IVD: variants seen among roughly 807,000 people sequenced by gnomAD.
IVD encodes the protein isovaleryl-CoA dehydrogenase, also known as isovaleryl-CoA dehydrogenase, mitochondrial.
In IVD, 31 loss-of-function variants were observed where a neutral mutation model predicts 51.3. That is an observed-to-expected ratio of 0.60 (90% confidence interval 0.45 to 0.81). The LOEUF is 0.81. Among genes scored for constraint, IVD ranks in the 40% least tolerant of loss-of-function variants. The pLI is 0.00. For missense variants in IVD, 475 were observed against 552.0 expected, an observed-to-expected ratio of 0.86 and a Z score of 1.40; for synonymous variants, 205 against 219.4, an observed-to-expected ratio of 0.93 and a Z score of 0.58.
At position 40,413,013 on chromosome 15, in the gene IVD, C is replaced by T. The variant is rs1891244554; in HGVS notation, c.710C>T (p.Ser237Phe). 6.2e-7 allele frequency: 1 copy of T among 1,613,978 alleles called. No homozygotes were observed. Residue 237 changes from serine to phenylalanine, a missense_variant, in exon 7 of 12, where the codon TCT (serine) becomes TTT (phenylalanine). Physicochemically the swap from Ser to Phe is radical, Grantham distance 155. Coordinates refer to ENST00000487418, the MANE Select transcript of IVD (RefSeq NM_002225.5). ...AAGGGTATGCCTGGCTTTAGCACCT[C>T]TAAGAAGCTGGACAAGCTGGGGATG... ...VEKGMPGFST[S>F]KKLDKLGMRG...
chr15:40,425,180 G>A (rs1892595476), downstream of IVD, among the ~76,000 whole-genome samples: 1 of 152,184 alleles, frequency 6.6e-6, no homozygotes, highest in Non-Finnish European at 1.5e-5. Flanking sequence ...GAAATGCATG[G>A]TATATATGGG....
chr15:40,412,705 A>G, intron 6 of IVD: 1 of 425,406 alleles, frequency 2.4e-6, no homozygotes, highest in Non-Finnish European at 4.4e-6. Flanking sequence ...GGAGGGAAAT[A>G]AGGCCAGGGG....
Position 40,411,654 on chromosome 15 carries a change from C to G in IVD, c.650C>G (p.Pro217Arg). The change falls in exon 6 of 12, where the codon CCA becomes CGA. Residue 217 changes from proline (P) to arginine (R), a missense_variant. Physicochemically the swap from Pro to Arg is moderately radical, Grantham distance 103. Transcript: ENST00000487418. ...GCCAAGACAGATCTGGCTGCTGTGCCAGCTTCTCGGGGCATCACAGCCTTC... is the reference window on the plus strand; with the variant it reads ...GCCAAGACAGATCTGGCTGCTGTGCGAGCTTCTCGGGGCATCACAGCCTTC... ...VYAKTDLAAV[P>R]ASRGITAFIV... is the part of the protein sequence containing the mutation. 1 of 1,614,210 alleles carries G rather than the reference C, an allele frequency of 6.2e-7. No homozygotes were observed. Among genetic ancestry groups the G allele is most frequent in the Non-Finnish European group, 8.5e-7 (1 of 1,180,042 alleles).
Position 40,411,348 on chromosome 15 carries a change from A to G in IVD, c.545A>G (p.Lys182Arg), listed in dbSNP as rs761815406. 21 of 1,614,048 alleles carry G rather than the reference A, an allele frequency of 1.3e-5. No homozygotes were observed. The highest frequency in any genetic ancestry group is 1.7e-5 in the Non-Finnish European group (20 of 1,180,028). Residue 182 changes from lysine to arginine, a missense_variant, in exon 5 of 12, where the codon AAG becomes AGG. Transcript: ENST00000487418. ...DVVSMKLKAE[K>R]KGNHYILNGN... ...GTCTCTATGAAGCTCAAAGCGGAAA[A>G]GAAAGGTGAGGCCACTCTCAACTTG...
In IVD at chr15:40,410,687, T is replaced by C. The variant is rs1343856878; in HGVS notation, c.346T>C (p.Ser116Pro). 6.2e-7 allele frequency: 1 copy of C among 1,614,088 alleles called. No individual in the cohort carries two copies. Among genetic ancestry groups the C allele is most frequent in the Non-Finnish European group, 8.5e-7 (1 of 1,180,030 alleles). ...LEHVLVMEEI[S>P]RASGAVGLSY... ...GCATGTGCTGGTGATGGAGGAGATA[T>C]CCCGAGCTTCCGGAGCAGTGGGGCT... The change falls in exon 4 of 12, where the codon TCC becomes CCC. Residue 116 changes from serine (S) to proline (P), a missense_variant. Coordinates refer to ENST00000487418, the MANE Select transcript of IVD (RefSeq NM_002225.5).
At chr15:40,414,706 C>G in intron 7 of IVD, 183 bp from the exon 8 acceptor site, 1 of 1,024,486 alleles carries the variant, frequency 9.8e-7, no homozygotes, top group Non-Finnish European at 1.4e-6. Context: ...CCTGGCAGCT[C>G]CACTTCTGAC....
chr15:40,406,443 T>G (rs1274186529), intron 1 of IVD: 1 of 829,146 alleles, frequency 1.2e-6, no homozygotes, highest in African/African-American at 1.8e-5. Flanking sequence ...CAGTGAGCTC[T>G]CCTGTCGCTC....
downstream of IVD, among the ~76,000 whole-genome samples, chr15:40,421,921 C>A (rs1892328672): frequency 6.6e-6 from 1 of 152,184 alleles, no homozygotes; most frequent in African/African-American, 2.4e-5. Context: ...GAGAGGTTCC[C>A]AGTCCCTGCC....
In IVD at chr15:40,416,128, G is replaced by T. The variant is rs764976274; in HGVS notation, c.1011G>T (p.Arg337=). 1.2e-6 allele frequency: 2 copies of T among 1,614,246 alleles called. No homozygotes were observed. The highest frequency in any genetic ancestry group is 1.1e-5 in the South Asian group (1 of 91,088). The change falls in exon 10 of 12, where the codon CGG becomes CGT. Residue 337 remains arginine, a synonymous_variant. Transcript: ENST00000487418. The stretch of plus-strand genomic sequence containing the variant: ...TGTACACCCGCCTCATGGCGTGTCG[G>T]CAGTATGTCTACAATGTCGCCAAGG... ...ADMYTRLMAC[R]QYVYNVAKAC... is the part of the protein sequence containing the mutation.
intron 7 of IVD, 59 bp from the exon 8 acceptor site, chr15:40,414,830 G>T: frequency 1.9e-6 from 3 of 1,606,278 alleles, no homozygotes; most frequent in Non-Finnish European, 2.6e-6. Context: ...TAGTACCTTT[G>T]ATAAAAGTGA....
chr15:40,411,304 C>T lies in IVD; in HGVS notation c.501C>T (p.Pro167=), dbSNP rs543297907. ...TCGGAGCCCTGGCCATGAGTGAGCC[C>T]AATGCAGGCTCTGATGTTGTCTCTA... ...EYIGALAMSE[P]NAGSDVVSMK... Residue 167 remains proline (P), a synonymous_variant, in exon 5 of 12, where the codon CCC becomes CCT. Transcript: ENST00000487418. The T allele has an allele frequency of 6.2e-6, 10 of 1,614,092 alleles. No homozygotes were observed. The South Asian group carries it at 1.1e-4, about 18-fold the overall frequency.
In IVD at chr15:40,416,073, C is replaced by T. The variant is rs1002152963; in HGVS notation, c.961-5C>T. 4 of 1,613,830 alleles carry T rather than the reference C, an allele frequency of 2.5e-6. No individual in the cohort carries two copies. In the African/African-American group the frequency reaches 5.3e-5, roughly 22 times the overall value. On this transcript the variant is annotated splice_polypyrimidine_tract_variant and splice_region_variant and intron_variant, in intron 9 of 11. Transcript: ENST00000487418. ...TGTTGACCTGTGACATCCCTTTGTGCCCAGTTGATGCAGGGGAAGATGGCT... is the reference window on the plus strand; with the variant it reads ...TGTTGACCTGTGACATCCCTTTGTGTCCAGTTGATGCAGGGGAAGATGGCT...
intron 7 of IVD, chr15:40,414,616 A>G (rs1891448855): frequency 2.4e-6 from 1 of 422,296 alleles, no homozygotes; most frequent in African/African-American, 2.0e-5. Flanking sequence ...CTTCTTTCCC[A>G]TCCAAGGGAG....
downstream of IVD, among the ~76,000 whole-genome samples, chr15:40,427,533 C>T (rs945060647): frequency 6.6e-6 from 1 of 152,208 alleles, no homozygotes; most frequent in Non-Finnish European, 1.5e-5. Flanking sequence ...CTGCCCCCTC[C>T]CGCAAAGTCT....
chr15:40,419,293 T>A lies in IVD; in HGVS notation c.*1030T>A. On this transcript the variant is annotated 3_prime_UTR_variant, in exon 12 of 12. Coordinates refer to ENST00000487418, the MANE Select transcript of IVD (RefSeq NM_002225.5). The stretch of plus-strand genomic sequence containing the variant: ...TGGGAGGCCAAGGCAGGTGGATCAC[T>A]TGCAGTCAGGAGTTCAAGACCAGCC... The A allele has an allele frequency of 8.6e-7, 1 of 1,164,524 alleles. No individual in the cohort carries two copies. The highest frequency in any genetic ancestry group is 1.1e-6 in the Non-Finnish European group (1 of 882,020). 72.1% of individuals were successfully genotyped at this position (1,164,524 alleles called of 1,614,324 possible).
downstream of IVD, chr15:40,435,765 C>G (rs748617829): frequency 7.7e-5 from 73 of 952,384 alleles, no homozygotes; most frequent in Non-Finnish European, 8.9e-5. Flanking sequence ...GTGTCCTCAT[C>G]TTTCCCCTAC....
At chr15:40,428,377 C>G (rs56864155), downstream of IVD, among the ~76,000 whole-genome samples, 1,530 of 152,182 alleles carry the variant, frequency 0.01, 33 homozygotes, top group African/African-American at 0.035. Flanking sequence ...CCCAGCCCCT[C>G]TCTCCCAGGT....
chr15:40,429,647 C>T (rs929728443), intron 7 of IVD, among the ~76,000 whole-genome samples: 5 of 152,162 alleles, frequency 3.3e-5, no homozygotes, highest in Non-Finnish European at 7.3e-5. Flanking sequence ...ATAACTTCTT[C>T]GCCCTCCACC....
chr15:40,430,565 G>T (rs1318152054), intron 7 of IVD, among the ~76,000 whole-genome samples: 1 of 152,212 alleles, frequency 6.6e-6, no homozygotes, highest in Non-Finnish European at 1.5e-5. Flanking sequence ...GAGTGGATGC[G>T]GGAGGCTGGG....
Sources: gnomAD v4.1 joint callset for allele counts (sites outside exome capture counted in the v4.1 genomes callset) on GRCh38, gnomAD v4.1.1 for gene constraint, MANE v1.5 for transcripts, NCBI Gene and HGNC (gene_info 2026-07-23, HGNC 2026-07-21) for gene names.